The following TMC1 variants were observed in gnomAD, a reference collection of about 807,000 sequenced individuals.
TMC1 encodes transmembrane channel like 1, also known as transmembrane channel-like protein 1.
Under a neutral mutation model 105.8 loss-of-function variants are expected in TMC1, and 84 were observed. The observed-to-expected ratio is 0.79, with a 90% CI of 0.67 to 0.95. TMC1 has a LOEUF of 0.95. Ranked by LOEUF, TMC1 falls within the 40% of genes least tolerant of loss-of-function variation. The pLI, the probability that TMC1 is intolerant of heterozygous loss-of-function variation, is 0.00. For synonymous variants in TMC1, 315 were observed against 311.5 expected (o/e 1.01, Z -0.12); for missense variants, 817 against 914.1 (o/e 0.89, Z 1.37).
At chr9:72,752,936 C>T (rs542549423) in intron 11 of TMC1, among the ~76,000 whole-genome samples, 1 of 152,060 alleles carries the variant, frequency 6.6e-6, no homozygotes, top group Non-Finnish European at 1.5e-5. Flanking sequence ...ACTTACTGTG[C>T]GTCACAACAA....
Position 72,616,916 on chromosome 9 carries a change from G to A in TMC1, c.-196+439G>A, listed in dbSNP as rs191354264. 1.6e-3 allele frequency among the ~76,000 whole-genome samples: 243 copies of A among 152,172 alleles called. 1 individual carries two copies. The Middle Eastern group carries it at 0.017, about 11-fold the overall frequency. ...TCACATTAGTGTTGTTGATTTGAAT[G>A]TTGTTTCCTTTGTAGGTCTGCTTGC... On this transcript the variant is annotated intron_variant, in intron 3 of 23. Coordinates refer to ENST00000297784, the MANE Select transcript of TMC1 (RefSeq NM_138691.3).
intron 8 of TMC1, among the ~76,000 whole-genome samples, chr9:72,712,436 ATTTCCTT>A (rs1266378107): frequency 6.6e-6 from 1 of 151,814 alleles, no homozygotes; most frequent in African/African-American, 2.4e-5. Flanking sequence ...GTCCTCTCTT[ATTTCCTT>A]GAGCAGTGGT....
At position 72,606,994 on chromosome 9, in the gene TMC1, T is replaced by TAGAGAGAGAG. The variant is rs1406616090; in HGVS notation, c.-305-9373_-305-9372insGAGAGAGAGA. On this transcript the variant is annotated intron_variant, in intron 2 of 23. Coordinates refer to ENST00000297784, the MANE Select transcript of TMC1 (RefSeq NM_138691.3). ...ATGTGTGTGTGTGCATATATATATA[T>TAGAGAGAGAG]ATATATATAGAGAGAGAGAGAGAGA... Among the ~76,000 whole-genome samples the TAGAGAGAGAG allele has an allele frequency of 7.4e-3, 647 of 87,532 alleles. 6 individuals are homozygous for TAGAGAGAGAG. Among genetic ancestry groups the TAGAGAGAGAG allele is most frequent in the Non-Finnish European group, 0.011 (435 of 39,114 alleles). 57.4% of individuals were successfully genotyped at this position (87,532 alleles called of 152,430 possible). A position where few individuals can be genotyped will look rare whatever the true frequency, so the allele number is the denominator to read the frequency against.
chr9:72,623,802 A>G (rs1825297741), intron 3 of TMC1, among the ~76,000 whole-genome samples: 2 of 152,048 alleles, frequency 1.3e-5, no homozygotes, highest in South Asian at 4.2e-4. Flanking sequence ...AGGTGTTTCT[A>G]GGGTATAGAG....
At chr9:72,593,077 T>C (rs1214507320) in intron 2 of TMC1, among the ~76,000 whole-genome samples, 3 of 152,222 alleles carry the variant, frequency 2.0e-5, no homozygotes, top group Middle Eastern at 3.2e-3. Flanking sequence ...ATAGAATTTC[T>C]TTTGAAATGG....
intron 19 of TMC1, among the ~76,000 whole-genome samples, chr9:72,819,296 A>G (rs1384332626): frequency 6.6e-6 from 1 of 152,190 alleles, no homozygotes; most frequent in Non-Finnish European, 1.5e-5. Flanking sequence ...ATTGGCCAAA[A>G]CAAGTGATGT....
intron 12 of TMC1, among the ~76,000 whole-genome samples, chr9:72,772,104 C>T (rs985261391): frequency 6.6e-6 from 1 of 152,158 alleles, no homozygotes; most frequent in African/African-American, 2.4e-5. Flanking sequence ...TCTAATGATA[C>T]CACGAAATGT....
At chr9:72,525,514 T>G (rs1219869036) in intron 1 of TMC1, among the ~76,000 whole-genome samples, 1 of 152,204 alleles carries the variant, frequency 6.6e-6, no homozygotes, top group East Asian at 1.9e-4. Context: ...CTTTTGAGAT[T>G]TTATTACTCA....
chr9:72,600,147 T>G (rs1186540878), intron 2 of TMC1, among the ~76,000 whole-genome samples: 1 of 152,188 alleles, frequency 6.6e-6, no homozygotes, highest in Non-Finnish European at 1.5e-5. Context: ...TGATTACAAG[T>G]GCACTTTAGA....
intron 6 of TMC1, among the ~76,000 whole-genome samples, chr9:72,693,896 A>C (rs1463683641): frequency 6.6e-6 from 1 of 152,144 alleles, no homozygotes; most frequent in African/African-American, 2.4e-5. Context: ...ATTTTACATT[A>C]AATTTATGTT....
intron 8 of TMC1, 70 bp downstream of exon 8, chr9:72,700,713 C>CATATATATATATATATAT (rs72200654): frequency 1.7e-5 from 5 of 294,148 alleles, no homozygotes; most frequent in African/African-American, 1.2e-4. Flanking sequence ...CTGAATATTC[C>CATATATATATATATATAT]ATATATATAT....
At chr9:72,690,825 G>A (rs551869103) in intron 6 of TMC1, among the ~76,000 whole-genome samples, 1 of 152,156 alleles carries the variant, frequency 6.6e-6, no homozygotes, top group South Asian at 2.1e-4. Flanking sequence ...ATAATTTAGG[G>A]TCTGTGGGCT....
At chr9:72,658,959 A>G (rs965648898) in intron 5 of TMC1, among the ~76,000 whole-genome samples, 2 of 152,256 alleles carry the variant, frequency 1.3e-5, no homozygotes, top group African/African-American at 4.8e-5. Context: ...ATGGCCACAT[A>G]GTGTGAGCAA....
intron 18 of TMC1, among the ~76,000 whole-genome samples, chr9:72,806,556 C>T (rs533284831): frequency 7.6e-4 from 113 of 147,826 alleles, no homozygotes; most frequent in African/African-American, 2.6e-3. Context: ...GGGCAGTTGC[C>T]GGGCAGAGGG....
rs1564499812 is a variant in TMC1, at chr9:72,700,660, T to C, written c.362+17T>C. On this transcript the variant is annotated intron_variant, in intron 8 of 23. Coordinates refer to ENST00000297784, the MANE Select transcript of TMC1 (RefSeq NM_138691.3). ...AGTTCTCAAGTATGGTGCCACTTTT[T>C]ATAAGTAGAAACACTTTCCCTGATA... 1 of 1,573,840 alleles carries C rather than the reference T, an allele frequency of 6.4e-7. No individual in the cohort carries two copies. Among genetic ancestry groups the C allele is most frequent in the Non-Finnish European group, 8.7e-7 (1 of 1,154,642 alleles).
chr9:72,666,349 G>A (rs914220965), intron 5 of TMC1, among the ~76,000 whole-genome samples: 2 of 152,114 alleles, frequency 1.3e-5, no homozygotes, highest in Non-Finnish European at 2.9e-5. Flanking sequence ...CCTTCTCTAA[G>A]GACACTGGGG....
chr9:72,583,705 G>A (rs1004374443), intron 2 of TMC1, among the ~76,000 whole-genome samples: 5 of 152,154 alleles, frequency 3.3e-5, no homozygotes, highest in African/African-American at 1.2e-4. Flanking sequence ...AGCCAAACTT[G>A]TAGCCCAAGT....
At position 72,525,987 on chromosome 9, in the gene TMC1, CA is replaced by C. The variant is rs36080162; in HGVS notation, c.-428+4089del. On this transcript the variant is annotated intron_variant, in intron 1 of 23. Transcript: ENST00000297784. Reference sequence around the variant, plus strand: ...TGGATGACAGAGTGAGACTCCGTCTCAAAAAAAAAAAAAAATTCCTTAACCA... The same window carrying C: ...TGGATGACAGAGTGAGACTCCGTCTCAAAAAAAAAAAAAATTCCTTAACCA... 2.9e-3 allele frequency among the ~76,000 whole-genome samples: 397 copies of C among 137,296 alleles called. 2 individuals are homozygous for C. Among genetic ancestry groups the C allele is most frequent in the Middle Eastern group, 7.6e-3 (2 of 264 alleles). 90.1% of individuals were successfully genotyped at this position (137,296 alleles called of 152,430 possible).
In TMC1 at chr9:72,650,881, TAGATATATAGATATATATATAA is replaced by T. The variant is rs1478046933; in HGVS notation, c.16+2219_16+2240del. 4.1e-5 allele frequency among the ~76,000 whole-genome samples: 4 copies of T among 97,052 alleles called. 1 individual carries two copies. The highest frequency in any genetic ancestry group is 6.0e-5 in the Non-Finnish European group (3 of 49,620). The allele number at this position is 97,052 out of a possible 152,430, so 63.7% of individuals were successfully genotyped here. On this transcript the variant is annotated intron_variant, in intron 5 of 23. Coordinates refer to ENST00000297784, the MANE Select transcript of TMC1 (RefSeq NM_138691.3). ...TATTTCATGGTGTATTTTATATATA[TAGATATATAGATATATATATAA>T]ATATATATAGATATATATATAAATA...
Sources: allele counts gnomAD v4.1 joint callset (sites outside exome capture counted in the v4.1 genomes callset), GRCh38; gene constraint gnomAD v4.1.1; transcripts MANE v1.5; gene names NCBI Gene and HGNC (gene_info 2026-07-23, HGNC 2026-07-21).